Variants in STK3 observed in about 807,000 individuals in gnomAD.
STK3 encodes the protein serine/threonine kinase 3.
In STK3, 41 loss-of-function variants were observed where a neutral mutation model predicts 58.0. The ratio of observed to expected loss-of-function variants is 0.71; its 90% confidence interval spans 0.55 to 0.92. The LOEUF (loss-of-function observed/expected upper bound fraction) is 0.92. Ranked by LOEUF, STK3 falls within the 40% of genes least tolerant of loss-of-function variation. STK3 has a pLI of 0.00. For synonymous variants in STK3, 170 were observed against 191.0 expected, an observed-to-expected ratio of 0.89 and a Z score of 0.91; for missense variants, 479 against 602.7, an observed-to-expected ratio of 0.79 and a Z score of 2.15.
intron 6 of STK3, chr8:98,597,684 T>C: frequency 1.0e-6 from 1 of 985,388 alleles, no homozygotes; most frequent in Non-Finnish European, 1.2e-6. Context: ...TCCTTTTGCG[T>C]GAGCTCTATC....
exon 3 of STK3, chr8:98,371,384 A>C (rs946071504): frequency 6.6e-6 from 1 of 152,194 alleles, no homozygotes; most frequent in Admixed American, 6.5e-5. Flanking sequence ...TCCCATTTTA[A>C]CAGATGAGGA....
chr8:98,430,952 C>T (rs776549764), intron 3 of STK3: 1 of 167,066 alleles, frequency 6.0e-6, no homozygotes, highest in Non-Finnish European at 1.5e-5. Flanking sequence ...GATGGGGAAC[C>T]TGGGTTCCTC....
At chr8:98,681,566 C>T (rs762302440) in intron 6 of STK3, among the ~76,000 whole-genome samples, 22 of 152,170 alleles carry the variant, frequency 1.4e-4, no homozygotes, top group Non-Finnish European at 7.3e-5. Context: ...TGTACAACTA[C>T]TACATATCCA....
chr8:98,859,448 A>G (rs1049956985), intron 3 of STK3, among the ~76,000 whole-genome samples: 32 of 152,212 alleles, frequency 2.1e-4, no homozygotes, highest in African/African-American at 7.5e-4. Context: ...TCCAAGCTCT[A>G]GTTATACATG....
chr8:98,768,224 C>T (rs1056862031), intron 2 of STK3, among the ~76,000 whole-genome samples: 5 of 152,154 alleles, frequency 3.3e-5, no homozygotes, highest in African/African-American at 7.2e-5. Context: ...ACACTATTAT[C>T]GTCATTAAAA....
chr8:98,567,456 T>C (rs1225250913), intron 8 of STK3, among the ~76,000 whole-genome samples: 1 of 152,150 alleles, frequency 6.6e-6, no homozygotes, highest in Non-Finnish European at 1.5e-5. Flanking sequence ...CCTTGGCCTC[T>C]GAAAGTGCTA....
chr8:98,348,817 T>C, the STK3 span, among the ~76,000 whole-genome samples: 3 of 152,204 alleles, frequency 2.0e-5, no homozygotes, highest in Non-Finnish European at 4.4e-5. Flanking sequence ...AAATGTAAAA[T>C]GGTACAGTCA....
At chr8:98,847,458 G>T (rs796458785) in intron 3 of STK3, among the ~76,000 whole-genome samples, 2 of 152,118 alleles carry the variant, frequency 1.3e-5, no homozygotes, top group African/African-American at 4.8e-5. Context: ...CAGCCCAATG[G>T]CTTTTTCTCT....
intron 4 of STK3, chr8:98,721,031 A>C: frequency 1.1e-6 from 1 of 921,128 alleles, no homozygotes; most frequent in Non-Finnish European, 1.3e-6. Context: ...GCCAAACAAA[A>C]CAAATATACC....
At chr8:98,394,476 T>G (rs891557459) in intron 3 of STK3, among the ~76,000 whole-genome samples, 12 of 152,094 alleles carry the variant, frequency 7.9e-5, no homozygotes, top group African/African-American at 2.9e-4. Flanking sequence ...AGTTCAGGAA[T>G]TTGAGACCAG....
chr8:98,732,151 A>C (rs1394738077), intron 4 of STK3, among the ~76,000 whole-genome samples: 1 of 152,166 alleles, frequency 6.6e-6, no homozygotes, highest in African/African-American at 2.4e-5. Flanking sequence ...AAAGGCAAAA[A>C]GACAAAAAGA....
intron 6 of STK3, among the ~76,000 whole-genome samples, chr8:98,697,882 C>T (rs981643359): frequency 1.3e-5 from 2 of 152,132 alleles, no homozygotes; most frequent in Non-Finnish European, 2.9e-5. Context: ...ATTAGGTCTG[C>T]TTGGTGCACA....
intron 2 of STK3, among the ~76,000 whole-genome samples, chr8:98,374,931 TA>T (rs1817657115): frequency 6.6e-6 from 1 of 152,040 alleles, no homozygotes; most frequent in South Asian, 2.1e-4. Flanking sequence ...TTACATACCT[TA>T]AATTTTTTTA....
chr8:98,410,281 CAT>C (rs1459853961), intron 3 of STK3, among the ~76,000 whole-genome samples: 1 of 152,114 alleles, frequency 6.6e-6, no homozygotes, highest in Non-Finnish European at 1.5e-5. Context: ...CATGTGGACT[CAT>C]GTGAACGCCG....
At chr8:98,642,106 A>G (rs576298298) in intron 6 of STK3, among the ~76,000 whole-genome samples, 2 of 152,322 alleles carry the variant, frequency 1.3e-5, no homozygotes, top group South Asian at 4.1e-4. Context: ...CGTGGGCCTC[A>G]ATAATCCCTA....
At position 98,425,199 on chromosome 8, in the gene STK3, A is replaced by G. The variant is rs112237105; in HGVS notation, n.483+8928T>C. Among the ~76,000 whole-genome samples the G allele has an allele frequency of 3.3e-3, 503 of 152,304 alleles. 5 individuals are homozygous for G. The highest frequency in any genetic ancestry group is 0.012 in the African/African-American group (482 of 41,564). On this transcript the variant is annotated intron_variant and non_coding_transcript_variant, in intron 3 of 3. Coordinates refer to the STK3 transcript ENST00000517832. ...CCCAGACTGCAGCCAGGTGTGTGGG[A>G]GCCACAGACCTCCAATGATGGACCC... is the stretch of plus-strand genomic sequence containing the variant.
At chr8:98,583,634 A>C (rs1814139055) in intron 7 of STK3, among the ~76,000 whole-genome samples, 1 of 152,170 alleles carries the variant, frequency 6.6e-6, no homozygotes, top group African/African-American at 2.4e-5. Context: ...ATGGTAATGA[A>C]ACTTTTCAAG....
At chr8:98,874,258 C>A (rs1032751423) in intron 3 of STK3, among the ~76,000 whole-genome samples, 5 of 152,192 alleles carry the variant, frequency 3.3e-5, no homozygotes, top group African/African-American at 7.2e-5. Context: ...TGACCTTTCT[C>A]TCTGGCTGCC....
At chr8:98,796,198 T>C (rs1833156441) in intron 1 of STK3, among the ~76,000 whole-genome samples, 1 of 151,980 alleles carries the variant, frequency 6.6e-6, no homozygotes, top group Non-Finnish European at 1.5e-5. Flanking sequence ...CAACTGTAAG[T>C]AAAAAGGACA....
Sources: gnomAD v4.1 joint callset for allele counts (sites outside exome capture counted in the v4.1 genomes callset) on GRCh38, gnomAD v4.1.1 for gene constraint, MANE v1.5 for transcripts, NCBI Gene and HGNC (gene_info 2026-07-23, HGNC 2026-07-21) for gene names.